Variants in GRID1 observed in about 807,000 individuals in gnomAD.
GRID1 encodes the protein glutamate receptor ionotropic, delta-1.
Under a neutral mutation model 98.0 loss-of-function variants are expected in GRID1, and 28 were observed. The ratio of observed to expected loss-of-function variants is 0.29; its 90% CI spans 0.21 to 0.39. GRID1 has a LOEUF of 0.39. Among genes scored for constraint, GRID1 ranks in the 10% least tolerant of loss-of-function variants. GRID1 has a pLI of 1.00. For missense variants in GRID1, 1,111 were observed against 1,340.5 expected (o/e 0.83, Z 2.67); for synonymous variants, 553 against 538.5 (o/e 1.03, Z -0.37).
intron 4 of GRID1, among the ~76,000 whole-genome samples, chr10:86,015,754 G>A (rs946193899): frequency 1.2e-4 from 19 of 152,180 alleles, no homozygotes; most frequent in African/African-American, 3.6e-4. Flanking sequence ...TTAACAATCC[G>A]TCATTTTAGC....
At chr10:85,741,662 T>C (rs538712566) in intron 8 of GRID1, among the ~76,000 whole-genome samples, 2 of 152,312 alleles carry the variant, frequency 1.3e-5, no homozygotes, top group South Asian at 2.1e-4. Flanking sequence ...GCCAGGTTTC[T>C]CTTTTTCTTT....
intron 4 of GRID1, among the ~76,000 whole-genome samples, chr10:85,957,843 C>T (rs755581833): frequency 4.6e-5 from 7 of 152,210 alleles, no homozygotes; most frequent in East Asian, 1.9e-4. Flanking sequence ...GTCTATATGC[C>T]TGGTCTGGCT....
chr10:85,869,071 T>C lies in GRID1; in HGVS notation c.890A>G (p.Asn297Ser), dbSNP rs1454379480. The change falls in exon 6 of 16, where the codon AAC becomes AGC. Residue 297 changes from asparagine (N) to serine (S), a missense_variant. Asn to Ser is a conservative substitution (Grantham distance 46). Coordinates refer to ENST00000327946, the MANE Select transcript of GRID1 (RefSeq NM_017551.3). ...SAKDNQKCTR[N>S]NHRISSLLCD... is the part of the protein sequence containing the mutation. ...GAGCAGGGAGGAGATGCGGTGGTTGTTCCTCGTGCATTTCTGATTGTCCTT... is the reference window on the plus strand; with the variant it reads ...GAGCAGGGAGGAGATGCGGTGGTTGCTCCTCGTGCATTTCTGATTGTCCTT... 3.1e-6 allele frequency: 5 copies of C among 1,613,884 alleles called. No homozygotes were observed. In the South Asian group the frequency reaches 5.5e-5, roughly 18 times the overall value.
chr10:86,232,869 G>A (rs1423021737), intron 2 of GRID1, among the ~76,000 whole-genome samples: 3 of 152,166 alleles, frequency 2.0e-5, no homozygotes, highest in Non-Finnish European at 4.4e-5. Flanking sequence ...CTCTCCCACA[G>A]CAGAGTAGCC....
rs1841040254 is a variant in GRID1, at chr10:85,667,834, T to G, written c.1998-20437A>C. 2.0e-5 allele frequency among the ~76,000 whole-genome samples: 3 copies of G among 152,162 alleles called. No homozygotes were observed. The South Asian group carries it at 6.2e-4, about 32-fold the overall frequency. ...GATAACTGGTCTAGTAGTATTCTGTTCCCAGCTGTCTGACTAGGCTTCCCC... is the reference window on the plus strand; with the variant it reads ...GATAACTGGTCTAGTAGTATTCTGTGCCCAGCTGTCTGACTAGGCTTCCCC... On this transcript the variant is annotated intron_variant, in intron 12 of 15. Coordinates refer to ENST00000327946, the MANE Select transcript of GRID1 (RefSeq NM_017551.3).
At chr10:85,841,712 A>G (rs1156328120) in intron 8 of GRID1, among the ~76,000 whole-genome samples, 2 of 152,244 alleles carry the variant, frequency 1.3e-5, no homozygotes, top group East Asian at 3.9e-4. Flanking sequence ...GTAGCCAAAA[A>G]TAATATGAAA....
At chr10:85,878,074 C>T (rs866542138) in intron 5 of GRID1, among the ~76,000 whole-genome samples, 5 of 151,860 alleles carry the variant, frequency 3.3e-5, no homozygotes, top group African/African-American at 7.3e-5. Context: ...TAGAGAAAAA[C>T]GAATAAAAAG....
At chr10:85,978,160 G>C (rs543594580) in intron 4 of GRID1, among the ~76,000 whole-genome samples, 2 of 152,064 alleles carry the variant, frequency 1.3e-5, no homozygotes, top group South Asian at 4.1e-4. Context: ...TCCATGCAGC[G>C]TCTTCCCTAC....
intron 12 of GRID1, among the ~76,000 whole-genome samples, chr10:85,684,772 C>G (rs1216325961): frequency 1.3e-5 from 2 of 152,180 alleles, no homozygotes; most frequent in East Asian, 1.9e-4. Context: ...TCTCACAGTT[C>G]TGGAGGCTGG....
intron 4 of GRID1, among the ~76,000 whole-genome samples, chr10:86,019,686 C>T (rs1322221713): frequency 6.6e-6 from 1 of 152,254 alleles, no homozygotes; most frequent in African/African-American, 2.4e-5. Flanking sequence ...AGGTGTGTGA[C>T]TTGCTTTGAG....
intron 4 of GRID1, among the ~76,000 whole-genome samples, chr10:86,002,843 A>C (rs1488679126): frequency 6.6e-6 from 1 of 152,240 alleles, no homozygotes; most frequent in Non-Finnish European, 1.5e-5. Context: ...CATTGTGCAC[A>C]TACTATGTCC....
chr10:85,837,415 T>C (rs1046473887), intron 8 of GRID1, among the ~76,000 whole-genome samples: 41 of 152,178 alleles, frequency 2.7e-4, no homozygotes, highest in Admixed American at 2.4e-3. Flanking sequence ...AACACTCTGT[T>C]GCAGCTGTCG....
intron 8 of GRID1, among the ~76,000 whole-genome samples, chr10:85,770,481 C>T (rs1234988487): frequency 6.6e-6 from 1 of 152,164 alleles, no homozygotes. Flanking sequence ...CGGAGAATGC[C>T]TTTGACAAGT....
intron 2 of GRID1, among the ~76,000 whole-genome samples, chr10:86,357,135 C>T (rs1386270534): frequency 6.6e-6 from 1 of 152,228 alleles, no homozygotes; most frequent in Non-Finnish European, 1.5e-5. Flanking sequence ...TCCAGTCCAC[C>T]CTGCCCACAC....
At chr10:85,684,782 G>C (rs147083271) in intron 12 of GRID1, among the ~76,000 whole-genome samples, 2 of 152,206 alleles carry the variant, frequency 1.3e-5, no homozygotes, top group Admixed American at 6.5e-5. Flanking sequence ...CTGGAGGCTG[G>C]AAGTCCAAGA....
intron 6 of GRID1, among the ~76,000 whole-genome samples, chr10:85,858,007 G>C (rs1843129636): frequency 6.6e-6 from 1 of 152,238 alleles, no homozygotes. Context: ...GGAGGTGCAA[G>C]GCATCACAAA....
intron 2 of GRID1, among the ~76,000 whole-genome samples, chr10:86,216,206 T>A (rs1846175032): frequency 6.6e-6 from 1 of 152,238 alleles, no homozygotes; most frequent in Non-Finnish European, 1.5e-5. Flanking sequence ...TGCATATATA[T>A]CATATTATCT....
At chr10:85,821,391 C>T (rs181183992) in intron 8 of GRID1, among the ~76,000 whole-genome samples, 40 of 151,202 alleles carry the variant, frequency 2.6e-4, no homozygotes, top group Non-Finnish European at 3.4e-4. Context: ...GTGGCAGGTG[C>T]GTGTAATCCC....
At chr10:85,730,233 G>A (rs1254664393) in intron 8 of GRID1, among the ~76,000 whole-genome samples, 3 of 152,208 alleles carry the variant, frequency 2.0e-5, no homozygotes, top group African/African-American at 4.8e-5. Flanking sequence ...AGCCTGCAGA[G>A]TATATCCAAT....
Sources: allele counts gnomAD v4.1 joint callset (sites outside exome capture counted in the v4.1 genomes callset), GRCh38; gene constraint gnomAD v4.1.1; transcripts MANE v1.5; gene names NCBI Gene and HGNC (gene_info 2026-07-23, HGNC 2026-07-21).